Variants in PALLD observed in about 807,000 individuals in gnomAD.
PALLD encodes palladin.
A neutral mutation model predicts 123.5 loss-of-function variants in PALLD; 61 were observed. The ratio of observed to expected loss-of-function variants is 0.49; its 90% CI spans 0.40 to 0.61. The LOEUF (loss-of-function observed/expected upper bound fraction) is 0.61. Ranked by LOEUF, PALLD falls within the 20% of genes least tolerant of loss-of-function variation. The probability of loss-of-function intolerance (pLI) is 0.00; values close to 1 mark genes in which losing one functional copy is unlikely to be tolerated. For missense variants in PALLD, 1,273 were observed against 1,377.0 expected, an observed-to-expected ratio of 0.92 and a Z score of 1.20; for synonymous variants, 465 against 496.4, an observed-to-expected ratio of 0.94 and a Z score of 0.84.
intron 10 of PALLD, among the ~76,000 whole-genome samples, chr4:168,840,975 T>G (rs1336597576): frequency 2.0e-5 from 3 of 152,084 alleles, no homozygotes; most frequent in Admixed American, 2.0e-4. Flanking sequence ...CTCAGCCTCC[T>G]GAGTAGCTGG....
intron 2 of PALLD, among the ~76,000 whole-genome samples, chr4:168,590,449 A>G (rs1771290161): frequency 2.6e-5 from 4 of 152,232 alleles, no homozygotes; most frequent in Admixed American, 2.6e-4. Flanking sequence ...AAAAATTCTG[A>G]GACCAGTTAG....
Position 168,647,264 on chromosome 4 carries a change from A to G in PALLD, c.909-20926A>G, listed in dbSNP as rs555532921. ...AAGATTTTTGAAGGGTCTAGTTAGG[A>G]TCTAGTAAGTTCTTCAGAAAGGTTA... On this transcript the variant is annotated intron_variant, in intron 2 of 21. Transcript: ENST00000505667. 3.9e-5 allele frequency among the ~76,000 whole-genome samples: 6 copies of G among 152,304 alleles called. 1 individual carries two copies. The highest frequency in any genetic ancestry group is 1.4e-4 in the African/African-American group (6 of 41,584).
chr4:168,864,302 T>A (rs181642967), intron 10 of PALLD: 1 of 152,370 alleles, frequency 6.6e-6, no homozygotes, highest in African/African-American at 2.4e-5. Flanking sequence ...TTTATCTGTA[T>A]TCTTGTTAGA....
intron 10 of PALLD, among the ~76,000 whole-genome samples, chr4:168,819,548 A>AAT (rs1742427118): frequency 6.6e-6 from 1 of 152,320 alleles, no homozygotes; most frequent in East Asian, 1.9e-4. Flanking sequence ...ATCACATAAT[A>AAT]AACTGTTCTC....
chr4:168,771,475 C>A (rs4692948), intron 10 of PALLD, among the ~76,000 whole-genome samples: 107,790 of 152,002 alleles, frequency 0.71, 38,351 homozygotes, highest in Admixed American at 0.76. Context: ...CCAATTGTTG[C>A]TCAATAATGT....
intron 2 of PALLD, among the ~76,000 whole-genome samples, chr4:168,573,313 GTTAA>G (rs1337755314): frequency 4.6e-5 from 7 of 150,804 alleles, no homozygotes; most frequent in African/African-American, 1.5e-4. Flanking sequence ...CTTTTTTTTT[GTTAA>G]TTGTGTAGCA....
chr4:168,523,482 A>C (rs6552876), intron 2 of PALLD, among the ~76,000 whole-genome samples: 66,355 of 151,982 alleles, frequency 0.44, 15,446 homozygotes, highest in African/African-American at 0.61. Context: ...GGAGATGAGA[A>C]AGAAAATGTT....
At chr4:168,611,414 C>G (rs981851553) in intron 2 of PALLD, among the ~76,000 whole-genome samples, 1 of 152,200 alleles carries the variant, frequency 6.6e-6, no homozygotes, top group African/African-American at 2.4e-5. Flanking sequence ...CACATCCTGC[C>G]GGGGGCCAGC....
At position 168,512,137 on chromosome 4, in the gene PALLD, G is replaced by A. The variant is rs775215502; in HGVS notation, c.633G>A (p.Pro211=). ...GGTACCTGTCTCCTAAAAATCAGCC[G>A]TCAGCCCTGCTGAGTGCCTCAGCCA... ...DSGYLSPKNQ[P]SALLSASASQ... is the part of the protein sequence containing the mutation. The change falls in exon 2 of 22, where the codon CCG becomes CCA. Residue 211 remains proline, a synonymous_variant. Transcript: ENST00000505667. The A allele has an allele frequency of 8.7e-6, 14 of 1,614,036 alleles. No homozygotes were observed. The highest frequency in any genetic ancestry group is 2.7e-5 in the African/African-American group (2 of 74,918).
intron 2 of PALLD, among the ~76,000 whole-genome samples, chr4:168,568,554 A>T (rs1768647179): frequency 6.6e-6 from 1 of 152,050 alleles, no homozygotes; most frequent in African/African-American, 2.4e-5. Flanking sequence ...CCCTGCCTAA[A>T]TTGACATGTG....
chr4:168,696,663 C>A (rs535985005), intron 8 of PALLD, among the ~76,000 whole-genome samples: 4 of 150,574 alleles, frequency 2.7e-5, no homozygotes, highest in African/African-American at 9.8e-5. Flanking sequence ...ATCATTCCAC[C>A]CAAGAAATAA....
chr4:168,925,682 T>TA lies in PALLD; in HGVS notation c.*32+412dup, dbSNP rs201771137. ...ATCAGCATTATGTTATCCATTGACATAAAAAAAACACTAGAAAAAAATTAA... is the reference window on the plus strand; with the variant it reads ...ATCAGCATTATGTTATCCATTGACATAAAAAAAAACACTAGAAAAAAATTAA... On this transcript the variant is annotated intron_variant, in intron 21 of 21. Coordinates refer to ENST00000505667, the MANE Select transcript of PALLD (RefSeq NM_001166108.2). Among the ~76,000 whole-genome samples the TA allele has an allele frequency of 3.4e-3, 517 of 152,004 alleles. 2 individuals carry two copies. Among genetic ancestry groups the TA allele is most frequent in the African/African-American group, 5.8e-3 (239 of 41,484 alleles).
chr4:168,832,276 A>C, intron 10 of PALLD: 1 of 325,192 alleles, frequency 3.1e-6, no homozygotes, highest in Non-Finnish European at 4.4e-6. Flanking sequence ...GGCTCGGGAC[A>C]GGGTGGGGGC....
intron 2 of PALLD, among the ~76,000 whole-genome samples, chr4:168,556,775 A>G (rs538496403): frequency 1.3e-5 from 2 of 152,314 alleles, no homozygotes; most frequent in South Asian, 4.1e-4. Context: ...AGAGAAAAAG[A>G]TGGGAGGAAA....
intron 10 of PALLD, among the ~76,000 whole-genome samples, chr4:168,772,710 A>G (rs1447832248): frequency 6.6e-6 from 1 of 152,230 alleles, no homozygotes; most frequent in Non-Finnish European, 1.5e-5. Context: ...AAGCAAAAAA[A>G]CACGCATCCC....
chr4:168,632,087 G>T (rs1410668084), intron 2 of PALLD, among the ~76,000 whole-genome samples: 1 of 151,554 alleles, frequency 6.6e-6, no homozygotes, highest in Admixed American at 6.6e-5. Context: ...GGGGGTTGGC[G>T]GGGGCGGGTC....
intron 3 of PALLD, among the ~76,000 whole-genome samples, chr4:168,676,512 ATATAT>A (rs1358132553): frequency 6.7e-6 from 1 of 149,278 alleles, no homozygotes; most frequent in Non-Finnish European, 1.5e-5. Context: ...TCTATATAAT[ATATAT>A]TATGTTTATT....
chr4:168,797,926 C>CCTG, intron 10 of PALLD, among the ~76,000 whole-genome samples: 1 of 150,776 alleles, frequency 6.6e-6, no homozygotes, highest in African/African-American at 2.5e-5. Context: ...AATTTTGCAA[C>CCTG]TTCCCTTCTG....
chr4:168,767,340 C>T (rs369903538), intron 10 of PALLD, among the ~76,000 whole-genome samples: 3 of 152,154 alleles, frequency 2.0e-5, no homozygotes, highest in East Asian at 1.9e-4. Context: ...TCTGGACAAA[C>T]ACATAGAATG....
Sources: allele counts gnomAD v4.1 joint callset (sites outside exome capture counted in the v4.1 genomes callset), GRCh38; gene constraint gnomAD v4.1.1; transcripts MANE v1.5; gene names NCBI Gene and HGNC (gene_info 2026-07-23, HGNC 2026-07-21).